The following CIP2A variants were observed in gnomAD, a reference collection of about 807,000 sequenced individuals.
CIP2A encodes cellular inhibitor of PP2A.
CIP2A carries 103 observed loss-of-function variants against 110.9 expected under a neutral mutation model. The observed-to-expected ratio is 0.93, with a 90% confidence interval of 0.79 to 1.09. The LOEUF is 1.09. Among genes scored for constraint, CIP2A ranks in the 50% least tolerant of loss-of-function variants. CIP2A has a pLI of 0.00. For synonymous variants in CIP2A, 381 were observed against 361.6 expected (o/e 1.05, Z -0.61); for missense variants, 1,088 against 1,038.4 (o/e 1.05, Z -0.66).
At position 108,551,171 on chromosome 3, in the gene CIP2A, T is replaced by A; in HGVS notation, c.2696A>T (p.Glu899Val). ...TGTCTATATACTGAGATTCACAGTT[T>A]CTGGATTTATTTTTCCACCACTTAA... ...HSLSGGKINPETVNLSI is the reference protein window; with the variant it reads ...HSLSGGKINPVTVNLSI Residue 899 changes from glutamate (E) to valine (V), a missense_variant, in exon 21 of 21, where the codon GAA becomes GTA. Glu to Val is a moderately radical substitution (Grantham distance 121, BLOSUM62 -2). Transcript: ENST00000295746. The A allele has an allele frequency of 6.2e-7, 1 of 1,605,432 alleles. No individual in the cohort carries two copies.
At position 108,559,995 on chromosome 3, in the gene CIP2A, C is replaced by T; in HGVS notation, c.1861G>A (p.Asp621Asn). 1.2e-6 allele frequency: 2 copies of T among 1,601,400 alleles called. No individual in the cohort carries two copies. The highest frequency in any genetic ancestry group is 1.7e-6 in the Non-Finnish European group (2 of 1,170,732). The change falls in exon 15 of 21, where the codon GAC (aspartate) becomes AAC (asparagine). Residue 621 changes from aspartate (D) to asparagine (N), a missense_variant. Physicochemically the swap from Asp to Asn is conservative, Grantham distance 23. Coordinates refer to ENST00000295746, the MANE Select transcript of CIP2A (RefSeq NM_020890.3). ...KDQICDVRIS[D>N]IMDVYEMKLS... ...TTCATTTCATATACATCCATTATGTCAGATATTCTCACATCACAAATCTGA... is the reference window on the plus strand; with the variant it reads ...TTCATTTCATATACATCCATTATGTTAGATATTCTCACATCACAAATCTGA...
chr3:108,558,032 T>C (rs1937870773), intron 16 of CIP2A, among the ~76,000 whole-genome samples: 1 of 152,138 alleles, frequency 6.6e-6, no homozygotes, highest in Non-Finnish European at 1.5e-5. Flanking sequence ...AGAACCTGTA[T>C]CCAGTTATTT....
intron 13 of CIP2A, 66 bp from the exon 14 acceptor site, chr3:108,560,907 C>G: frequency 8.9e-7 from 1 of 1,119,666 alleles, no homozygotes; most frequent in Non-Finnish European, 1.2e-6. Flanking sequence ...AGACTTAGTG[C>G]AGAATTAGGG....
rs1266495316 is a variant in CIP2A at position 108,550,001 on chromosome 3, T to A, written c.*1148A>T. 6.6e-6 allele frequency: 1 copy of A among 152,014 alleles called. No homozygotes were observed. Among genetic ancestry groups the A allele is most frequent in the Non-Finnish European group, 1.5e-5 (1 of 67,914 alleles). 9.4% of individuals were successfully genotyped at this position (152,014 alleles called of 1,614,324 possible). On this transcript the variant is annotated 3_prime_UTR_variant, in exon 21 of 21. Coordinates refer to ENST00000295746, the MANE Select transcript of CIP2A (RefSeq NM_020890.3). ...TAGAACAAATAGTAATTTAAAATGT[T>A]TTACTCTGCATAATATTTTTTAAAA...
chr3:108,564,043 T>C (rs866522292), intron 12 of CIP2A, among the ~76,000 whole-genome samples: 5 of 152,042 alleles, frequency 3.3e-5, no homozygotes, highest in Non-Finnish European at 5.9e-5. Context: ...TAAAAATACA[T>C]TGAGATATTA....
In CIP2A at chr3:108,557,421, A is replaced by G; in HGVS notation, c.2014-7T>C. ...TACTAGCAAGTGTCCGTGCCTCAAA[A>G]AAAAAAAGAAGATAGACTTTACCAC... On this transcript the variant is annotated splice_region_variant and splice_polypyrimidine_tract_variant and intron_variant, in intron 16 of 20. Transcript: ENST00000295746. 6.4e-7 allele frequency: 1 copy of G among 1,567,408 alleles called. No individual in the cohort carries two copies. The highest frequency in any genetic ancestry group is 8.7e-7 in the Non-Finnish European group (1 of 1,156,044).
In CIP2A at chr3:108,552,359, T is replaced by C. The variant is rs1382518424; in HGVS notation, c.2422A>G (p.Thr808Ala). Residue 808 changes from threonine (T) to alanine (A), a missense_variant, in exon 20 of 21, where the codon ACA becomes GCA. Coordinates refer to ENST00000295746, the MANE Select transcript of CIP2A (RefSeq NM_020890.3). Reference sequence around the variant, plus strand: ...TTAATCTTTTCTTCTTGTACTTTTGTTTTTTGATGCAAATCTTAAAAGAAA... The same window carrying C: ...TTAATCTTTTCTTCTTGTACTTTTGCTTTTTGATGCAAATCTTAAAAGAAA... ...EHKLANLHQK[T>A]KVQEEKIKTL... 6.5e-7 allele frequency: 1 copy of C among 1,531,698 alleles called. No homozygotes were observed. 94.9% of individuals were successfully genotyped at this position (1,531,698 alleles called of 1,614,324 possible).
intron 13 of CIP2A, among the ~76,000 whole-genome samples, chr3:108,561,554 C>T (rs941596003): frequency 2.6e-5 from 4 of 151,870 alleles, no homozygotes; most frequent in African/African-American, 4.8e-5. Context: ...CTGTGGTCCC[C>T]GCTACTCAGG....
Position 108,557,273 on chromosome 3 carries a change from A to G in CIP2A, c.2155T>C (p.Ser719Pro). 1 of 1,608,638 alleles carries G rather than the reference A, an allele frequency of 6.2e-7. No individual in the cohort carries two copies. Among genetic ancestry groups the G allele is most frequent in the Non-Finnish European group, 8.5e-7 (1 of 1,176,494 alleles). ...HLFQHNRKLE[S>P]VAEEHEILTK... ...AGTATTTCATGTTCTTCAGCCACAG[A>G]CTCTAACTTCCTATTATGTTGAAAG... Residue 719 changes from serine to proline, a missense_variant, in exon 17 of 21, where the codon TCT (serine) becomes CCT (proline). Ser to Pro is a moderately conservative substitution (Grantham distance 74). Coordinates refer to ENST00000295746, the MANE Select transcript of CIP2A (RefSeq NM_020890.3).
Position 108,559,812 on chromosome 3 carries a change from T to C in CIP2A, c.1958A>G (p.Gln653Arg). 6.2e-7 allele frequency: 1 copy of C among 1,605,884 alleles called. No individual in the cohort carries two copies. The highest frequency in any genetic ancestry group is 8.5e-7 in the Non-Finnish European group (1 of 1,173,700). The part of the protein sequence containing the change: ...LLETKALALA[Q>R]ADRLIAQHRC... ...ATGCTGAGCAATCAGTCTATCAGCCTGTGCAAGGGCTAGAGCTTTTGTTTC... is the reference window on the plus strand; with the variant it reads ...ATGCTGAGCAATCAGTCTATCAGCCCGTGCAAGGGCTAGAGCTTTTGTTTC... Residue 653 changes from glutamine to arginine, a missense_variant, in exon 16 of 21, where the codon CAG becomes CGG. Transcript: ENST00000295746.
chr3:108,579,381 T>C lies in CIP2A; in HGVS notation c.718A>G (p.Asn240Asp). Residue 240 changes from asparagine (N) to aspartate (D), a missense_variant, in exon 7 of 21, where the codon AAT becomes GAT. Physicochemically the swap from Asn to Asp is conservative, Grantham distance 23. Coordinates refer to ENST00000295746, the MANE Select transcript of CIP2A (RefSeq NM_020890.3). ...GTGCCATCACCGTTTATGAGAATAT[T>C]AAATATTAGTTGAAAAGTCTGATGA... Reference protein sequence around the residue: ...NIHQTFQLIFNILINGDGTLT... With the variant: ...NIHQTFQLIFDILINGDGTLT... 1 of 1,606,938 alleles carries C rather than the reference T, an allele frequency of 6.2e-7. No individual in the cohort carries two copies.
In CIP2A at chr3:108,551,133, C is replaced by G; in HGVS notation, c.*16G>C. 8.1e-7 allele frequency: 1 copy of G among 1,238,728 alleles called. No homozygotes were observed. 76.7% of individuals were successfully genotyped at this position (1,238,728 alleles called of 1,614,324 possible). A position where few individuals can be genotyped will look rare whatever the true frequency, so the allele number is the denominator to read the frequency against. On this transcript the variant is annotated 3_prime_UTR_variant, in exon 21 of 21. Coordinates refer to ENST00000295746, the MANE Select transcript of CIP2A (RefSeq NM_020890.3). ...AAAAATATCATGAGATTACAAATTC[C>G]AAAATGCCATAATGTCTATATACTG... is the stretch of plus-strand genomic sequence containing the variant.
intron 5 of CIP2A, among the ~76,000 whole-genome samples, chr3:108,580,296 C>T (rs1464275065): frequency 6.6e-6 from 1 of 152,156 alleles, no homozygotes; most frequent in Non-Finnish European, 1.5e-5. Flanking sequence ...TCGTATATTG[C>T]TGACAGTCAT....
intron 20 of CIP2A, among the ~76,000 whole-genome samples, chr3:108,551,692 G>A (rs1205544127): frequency 6.6e-6 from 1 of 152,060 alleles, no homozygotes; most frequent in Non-Finnish European, 1.5e-5. Flanking sequence ...AGTAGTAGTA[G>A]TAGATCAGTC....
intron 8 of CIP2A, among the ~76,000 whole-genome samples, chr3:108,575,332 GTATATATA>G (rs1407924917): frequency 1.4e-5 from 2 of 147,710 alleles, no homozygotes; most frequent in South Asian, 2.1e-4. Context: ...ACACACACGT[GTATATATA>G]CATATACACA....
At chr3:108,572,079 T>C (rs1938418790) in intron 8 of CIP2A, among the ~76,000 whole-genome samples, 1 of 152,108 alleles carries the variant, frequency 6.6e-6, no homozygotes, top group Non-Finnish European at 1.5e-5. Flanking sequence ...AGAAAAATAA[T>C]ATATTTTGGA....
In CIP2A at chr3:108,583,085, T is replaced by C; in HGVS notation, c.251-2A>G. The stretch of plus-strand genomic sequence containing the variant: ...AATCTCTGGTTTCAATGTCTACTGC[T>C]ATAAGTTAAAATAAAAGCACAAAAT... On this transcript the variant is annotated splice_acceptor_variant, in intron 2 of 20. Coordinates refer to ENST00000295746, the MANE Select transcript of CIP2A (RefSeq NM_020890.3). LOFTEE classifies it high-confidence loss of function. 1 of 1,552,638 alleles carries C rather than the reference T, an allele frequency of 6.4e-7. No individual in the cohort carries two copies. Among genetic ancestry groups the C allele is most frequent in the Non-Finnish European group, 8.8e-7 (1 of 1,135,946 alleles).
In CIP2A at chr3:108,560,768, AG is replaced by A. The variant is rs1937979836; in HGVS notation, c.1707del (p.Trp570GlyfsTer12). ...QETEHIPRKM[P>X]WQSSNHSFPT... ...GGAAAACTGTGATTTGATGATTGCC[AG>A]GGCATTTTTCTGGGTATATGTTCTG... is the stretch of plus-strand genomic sequence containing the variant. On this transcript the variant is annotated frameshift_variant, in exon 14 of 21. Coordinates refer to ENST00000295746, the MANE Select transcript of CIP2A (RefSeq NM_020890.3). LOFTEE classifies it high-confidence loss of function. The A allele has an allele frequency of 6.2e-7, 1 of 1,613,156 alleles. No individual in the cohort carries two copies. The highest frequency in any genetic ancestry group is 8.5e-7 in the Non-Finnish European group (1 of 1,179,366).
chr3:108,579,095 G>A (rs527948287), intron 7 of CIP2A, among the ~76,000 whole-genome samples, 186 bp downstream of exon 7: 1 of 152,086 alleles, frequency 6.6e-6, no homozygotes, highest in African/African-American at 2.4e-5. Context: ...ACAATGACCT[G>A]TTATACTTTC....
Sources: allele counts gnomAD v4.1 joint callset (sites outside exome capture counted in the v4.1 genomes callset), GRCh38; gene constraint gnomAD v4.1.1; transcripts MANE v1.5; gene names NCBI Gene and HGNC (gene_info 2026-07-23, HGNC 2026-07-21).